SORCS2: variants seen among roughly 807,000 people sequenced by gnomAD.
The protein encoded by SORCS2 is sortilin related VPS10 domain containing receptor 2, also known as VPS10 domain-containing receptor SorCS2.
SORCS2 carries 100 observed loss-of-function variants against 141.6 expected under a neutral mutation model. That is an observed-to-expected ratio of 0.71 (90% CI 0.60 to 0.83). SORCS2 has a LOEUF of 0.83. Among genes scored for constraint, SORCS2 ranks in the 40% least tolerant of loss-of-function variants. The probability of loss-of-function intolerance (pLI) is 0.00; values close to 1 mark genes in which losing one functional copy is unlikely to be tolerated. For synonymous variants in SORCS2, 789 were observed against 676.9 expected, an observed-to-expected ratio of 1.17 and a Z score of -2.57; for missense variants, 1,646 against 1,560.2, an observed-to-expected ratio of 1.05 and a Z score of -0.93.
At chr4:7,538,038 G>A (rs1013420501) in intron 3 of SORCS2, among the ~76,000 whole-genome samples, 7 of 152,226 alleles carry the variant, frequency 4.6e-5, no homozygotes, top group Admixed American at 1.3e-4. Context: ...GGATTGACCC[G>A]GGTGACTCTG....
intron 3 of SORCS2, among the ~76,000 whole-genome samples, chr4:7,535,025 G>C (rs1003179706): frequency 1.3e-5 from 2 of 152,184 alleles, no homozygotes; most frequent in Non-Finnish European, 2.9e-5. Flanking sequence ...GCCTCCCGTG[G>C]GCCCTCCTCC....
chr4:7,513,920 C>T (rs374270125), intron 2 of SORCS2, among the ~76,000 whole-genome samples: 28 of 152,232 alleles, frequency 1.8e-4, no homozygotes, highest in East Asian at 7.7e-4. Context: ...TGGCTGGAGG[C>T]GGGTGACGTG....
intron 1 of SORCS2, among the ~76,000 whole-genome samples, chr4:7,327,154 C>T (rs530935260): frequency 1.6e-4 from 25 of 152,342 alleles, no homozygotes; most frequent in South Asian, 6.2e-4. Flanking sequence ...AACGTTCCAC[C>T]GAGCTGGGGG....
In SORCS2 at chr4:7,714,326, G is replaced by A. The variant is rs144636398; in HGVS notation, c.2076G>A (p.Ser692=). 2.7e-4 allele frequency: 433 copies of A among 1,582,490 alleles called. 1 individual carries two copies. The African/African-American group carries it at 3.8e-3, about 14-fold the overall frequency. Residue 692 remains serine (S), a synonymous_variant, in exon 16 of 27, where the codon TCG becomes TCA. Transcript: ENST00000507866. ...SWCIKGRSFT[S]ALTSRVCECR... Reference sequence around the variant, plus strand: ...GCATCAAGGGGAGGAGCTTCACGTCGGCGCTCACGTCCCGCGTGTGCGAGT... The same window carrying A: ...GCATCAAGGGGAGGAGCTTCACGTCAGCGCTCACGTCCCGCGTGTGCGAGT...
intron 3 of SORCS2, among the ~76,000 whole-genome samples, chr4:7,552,377 C>T (rs1713777992): frequency 6.6e-6 from 1 of 152,182 alleles, no homozygotes; most frequent in South Asian, 2.1e-4. Context: ...AAGAGGGTGG[C>T]TTGGCCCTAA....
intron 19 of SORCS2, 131 bp from the exon 20 acceptor site, chr4:7,725,005 ATGGTGGTGGTGGTGGTGG>A (rs373326590): frequency 2.5e-6 from 2 of 799,342 alleles, no homozygotes; most frequent in African/African-American, 3.9e-5. Context: ...AGTAGTGGTG[ATGGTGGTGGTGGTGGTGG>A]TGGTGATGAT....
intron 4 of SORCS2, among the ~76,000 whole-genome samples, chr4:7,649,224 G>A (rs144885338): frequency 6.6e-6 from 1 of 152,192 alleles, no homozygotes; most frequent in Non-Finnish European, 1.5e-5. Context: ...GGCACAGCAC[G>A]CGCAGATGCT....
At chr4:7,358,605 C>A (rs1721400293) in intron 1 of SORCS2, among the ~76,000 whole-genome samples, 1 of 152,200 alleles carries the variant, frequency 6.6e-6, no homozygotes, top group Non-Finnish European at 1.5e-5. Context: ...CCATGCATGA[C>A]TCGTGTCCTC....
intron 10 of SORCS2, among the ~76,000 whole-genome samples, chr4:7,686,631 C>CGGGGGA (rs1723890841): frequency 6.6e-6 from 1 of 152,260 alleles, no homozygotes; most frequent in African/African-American, 2.4e-5. Context: ...TCTCTGACCA[C>CGGGGGA]ATGCACCCAA....
chr4:7,517,729 C>T (rs1394978578), intron 2 of SORCS2, among the ~76,000 whole-genome samples: 1 of 152,196 alleles, frequency 6.6e-6, no homozygotes, highest in African/African-American at 2.4e-5. Flanking sequence ...CACTGATGAG[C>T]CTCCCTCCTA....
At chr4:7,679,618 A>T (rs1723385878) in intron 9 of SORCS2, among the ~76,000 whole-genome samples, 1 of 152,098 alleles carries the variant, frequency 6.6e-6, no homozygotes, top group African/African-American at 2.4e-5. Flanking sequence ...GGAGGCGCGG[A>T]GGTGGAAGGG....
At chr4:7,726,675 C>A in intron 20 of SORCS2, 105 bp from the exon 21 acceptor site, 1 of 1,464,428 alleles carries the variant, frequency 6.8e-7, no homozygotes, top group Non-Finnish European at 9.2e-7. Flanking sequence ...CTGATGGGAA[C>A]AAGGGGACAG....
At chr4:7,426,675 A>G (rs1726465492) in intron 2 of SORCS2, among the ~76,000 whole-genome samples, 1 of 151,938 alleles carries the variant, frequency 6.6e-6, no homozygotes, top group Admixed American at 6.5e-5. Flanking sequence ...CGGTCACCTC[A>G]TTTCCTCCCT....
At chr4:7,544,011 T>TCCACCCATCCATCCATCCAG (rs1713038786) in intron 3 of SORCS2, among the ~76,000 whole-genome samples, 1 of 128,462 alleles carries the variant, frequency 7.8e-6, no homozygotes, top group African/African-American at 2.9e-5. Flanking sequence ...CATCCATCCA[T>TCCACCCATCCATCCATCCAG]CCACCCATCC....
intron 2 of SORCS2, among the ~76,000 whole-genome samples, chr4:7,477,750 T>C (rs866747102): frequency 2.0e-5 from 3 of 151,880 alleles, no homozygotes; most frequent in Non-Finnish European, 4.4e-5. Flanking sequence ...GGAGAGAAAA[T>C]GTGTGTAGGA....
intron 2 of SORCS2, among the ~76,000 whole-genome samples, chr4:7,444,991 A>G (rs1047945211): frequency 2.1e-5 from 3 of 142,664 alleles, no homozygotes; most frequent in Non-Finnish European, 4.6e-5. Context: ...TGCAACACCC[A>G]GGTGGCCTGA....
rs187334984 is a variant in SORCS2, at chr4:7,230,054, C to T, written c.480+36928C>T. Reference sequence around the variant, plus strand: ...AAGGAGATGAAGTTGGTCAAGTCTTCGAGTCTCTGGGCAGGAGCAGTGTCA... The same window carrying T: ...AAGGAGATGAAGTTGGTCAAGTCTTTGAGTCTCTGGGCAGGAGCAGTGTCA... On this transcript the variant is annotated intron_variant, in intron 1 of 26. Coordinates refer to ENST00000507866, the MANE Select transcript of SORCS2 (RefSeq NM_020777.3). Among the ~76,000 whole-genome samples, 8 of 127,154 alleles carry T rather than the reference C, an allele frequency of 6.3e-5. No individual in the cohort carries two copies. In the East Asian group the frequency reaches 1.6e-3, roughly 25 times the overall value. 83.4% of individuals were successfully genotyped at this position (127,154 alleles called of 152,430 possible).
At chr4:7,248,584 G>A (rs1448609235) in intron 1 of SORCS2, among the ~76,000 whole-genome samples, 3 of 152,244 alleles carry the variant, frequency 2.0e-5, no homozygotes, top group Non-Finnish European at 4.4e-5. Flanking sequence ...ACCCTGGGCT[G>A]TGTGCCTGTC....
In SORCS2 at chr4:7,286,855, G is replaced by T. The variant is rs1255035860; in HGVS notation, c.480+93729G>T. Among the ~76,000 whole-genome samples, 1 of 152,226 alleles carries T rather than the reference G, an allele frequency of 6.6e-6. No homozygotes were observed. Among genetic ancestry groups the T allele is most frequent in the Non-Finnish European group, 1.5e-5 (1 of 68,048 alleles). On this transcript the variant is annotated intron_variant, in intron 1 of 26. Transcript: ENST00000507866. The surrounding 1 kb of genome is among the most constrained non-coding windows in gnomAD (Gnocchi z 4.1). ...TTTCAGGGTACAGGAGCTATGGAAG[G>T]TCCCAAGAGGAAAGTGTCCTGACGG...
Sources: gnomAD v4.1 joint callset for allele counts (sites outside exome capture counted in the v4.1 genomes callset) on GRCh38, gnomAD v4.1.1 for gene constraint, Gnocchi (gnomAD v3.1) non-coding constraint, MANE v1.5 for transcripts, NCBI Gene and HGNC (gene_info 2026-07-23, HGNC 2026-07-21) for gene names.